Variants in MGST1 observed in about 807,000 individuals in gnomAD.
MGST1 encodes the protein microsomal glutathione S-transferase 1.
Under a neutral mutation model 8.9 loss-of-function variants are expected in MGST1, and 5 were observed. The observed-to-expected ratio is 0.56, with a 90% CI of 0.29 to 1.19. The LOEUF is 1.19. MGST1 is among the 50% of genes most tolerant of loss of function. The pLI is 0.08. For synonymous variants in MGST1, 54 were observed against 67.8 expected, an observed-to-expected ratio of 0.80 and a Z score of 1.00; for missense variants, 182 against 187.4, an observed-to-expected ratio of 0.97 and a Z score of 0.17.
intron 4 of MGST1, among the ~76,000 whole-genome samples, chr12:16,552,213 T>A (rs1285652127): frequency 6.6e-6 from 1 of 152,050 alleles, no homozygotes; most frequent in African/African-American, 2.4e-5. Context: ...AACAATAAAG[T>A]AACTCTGGGG....
chr12:16,527,404 A>C (rs1941694358), intron 4 of MGST1, among the ~76,000 whole-genome samples: 1 of 152,052 alleles, frequency 6.6e-6, no homozygotes, highest in South Asian at 2.1e-4. Context: ...TATTTTCAAA[A>C]AATCTTTGCA....
chr12:16,368,305 A>G (rs1470260564), downstream of MGST1, among the ~76,000 whole-genome samples: 1 of 152,210 alleles, frequency 6.6e-6, no homozygotes, highest in Non-Finnish European at 1.5e-5. Flanking sequence ...GCTCTACTTT[A>G]TAAATAAAGA....
chr12:16,374,685 G>T (rs892638284), intron 3 of MGST1, among the ~76,000 whole-genome samples: 1 of 152,088 alleles, frequency 6.6e-6, no homozygotes, highest in Non-Finnish European at 1.5e-5. Flanking sequence ...GCAAGCGAAT[G>T]CAAATAATTC....
At chr12:16,591,275 G>C (rs921081345), downstream of MGST1, among the ~76,000 whole-genome samples, 3 of 151,888 alleles carry the variant, frequency 2.0e-5, no homozygotes, top group Non-Finnish European at 2.9e-5. The surrounding 1 kb of genome is among the most constrained non-coding windows in gnomAD (Gnocchi z 4.1). Flanking sequence ...TGTACTGGAT[G>C]TTCCTGAGCC....
rs1319486313 is a variant in MGST1 at position 16,582,401 on chromosome 12, T to C, written n.483-7127T>C. On this transcript the variant is annotated intron_variant and non_coding_transcript_variant, in intron 4 of 4. Transcript: ENST00000538857. This position sits in a 1 kb window ranked among gnomAD's most constrained non-coding sequence, Gnocchi z 4.1. ...AATATCTTTCAAGTTTTTGTATCTG[T>C]ATGCAAAAATAGCATTAGTGTTTTA... 3.9e-5 allele frequency among the ~76,000 whole-genome samples: 6 copies of C among 152,250 alleles called. No individual in the cohort carries two copies. The highest frequency in any genetic ancestry group is 3.9e-4 in the Admixed American group (6 of 15,286).
At position 16,412,375 on chromosome 12, in the gene MGST1, A is replaced by G. The variant is rs577920505; in HGVS notation, n.779-25013A>G. 6.6e-5 allele frequency among the ~76,000 whole-genome samples: 10 copies of G among 152,332 alleles called. No individual in the cohort carries two copies. The South Asian group carries it at 2.1e-3, about 32-fold the overall frequency. The stretch of plus-strand genomic sequence containing the variant: ...TTGTAGTGAGATATTATTTTGAGCT[A>G]TTAATTTTTTTCCTAATATCTGCCC... On this transcript the variant is annotated intron_variant and non_coding_transcript_variant, in intron 1 of 1. Transcript: ENST00000359720.
intron 1 of MGST1, among the ~76,000 whole-genome samples, chr12:16,397,516 C>A (rs1180466354): frequency 2.0e-5 from 3 of 151,938 alleles, no homozygotes; most frequent in African/African-American, 7.3e-5. Flanking sequence ...AAAACCTTTA[C>A]AATCTATCCA....
At chr12:16,519,414 T>C (rs1469209400) in intron 4 of MGST1, among the ~76,000 whole-genome samples, 1 of 152,200 alleles carries the variant, frequency 6.6e-6, no homozygotes, top group African/African-American at 2.4e-5. Flanking sequence ...AGGAGAAAAG[T>C]ATGAAACTCA....
intron 1 of MGST1, among the ~76,000 whole-genome samples, chr12:16,394,384 TTTTC>T (rs1940581189): frequency 1.3e-5 from 2 of 151,576 alleles, no homozygotes; most frequent in African/African-American, 2.4e-5. Flanking sequence ...TTCTCTTTCT[TTTTC>T]TTTCTCTCTC....
intron 1 of MGST1, among the ~76,000 whole-genome samples, chr12:16,392,750 A>AGATATATACAAAGATATATCTATCTG (rs1940563641): frequency 6.6e-6 from 1 of 152,166 alleles, no homozygotes; most frequent in Non-Finnish European, 1.5e-5. Flanking sequence ...ATATCTATCT[A>AGATATATACAAAGATATATCTATCTG]GATATATACA....
At chr12:16,440,279 TAA>T, downstream of MGST1, among the ~76,000 whole-genome samples, 1 of 150,334 alleles carries the variant, frequency 6.7e-6, no homozygotes, top group East Asian at 2.0e-4. Flanking sequence ...ACATACACAG[TAA>T]AGCGTATAAA....
intron 4 of MGST1, among the ~76,000 whole-genome samples, chr12:16,515,727 G>A (rs1941609449): frequency 6.6e-6 from 1 of 152,048 alleles, no homozygotes; most frequent in South Asian, 2.1e-4. Flanking sequence ...TGGAGAGTAG[G>A]TAACCACACT....
chr12:16,481,719 G>A (rs1591741493), intron 4 of MGST1, among the ~76,000 whole-genome samples: 1 of 151,738 alleles, frequency 6.6e-6, no homozygotes, highest in Non-Finnish European at 1.5e-5. Flanking sequence ...AAAAGGGATT[G>A]AAAATATAAA....
At chr12:16,501,315 T>C (rs1941505200) in intron 4 of MGST1, among the ~76,000 whole-genome samples, 1 of 152,142 alleles carries the variant, frequency 6.6e-6, no homozygotes, top group Non-Finnish European at 1.5e-5. Flanking sequence ...GAAAATGGGC[T>C]CCTTCAAAAA....
At chr12:16,568,065 G>T (rs143681874) in intron 4 of MGST1, among the ~76,000 whole-genome samples, 1 of 152,198 alleles carries the variant, frequency 6.6e-6, no homozygotes, top group East Asian at 1.9e-4. Flanking sequence ...TACTACACTG[G>T]CAACAATAGA....
At chr12:16,379,226 A>T (rs1166082995), downstream of MGST1, among the ~76,000 whole-genome samples, 1 of 152,156 alleles carries the variant, frequency 6.6e-6, no homozygotes, top group Non-Finnish European at 1.5e-5. Context: ...GTCTTGTGCC[A>T]GTTTTCAAAG....
chr12:16,448,262 A>G (rs1941098239), intron 4 of MGST1, among the ~76,000 whole-genome samples: 1 of 151,918 alleles, frequency 6.6e-6, no homozygotes, highest in African/African-American at 2.4e-5. Flanking sequence ...TAATTTATAT[A>G]ATTAACAAAG....
chr12:16,557,505 C>T (rs1942236630), intron 4 of MGST1, among the ~76,000 whole-genome samples: 1 of 151,764 alleles, frequency 6.6e-6, no homozygotes, highest in African/African-American at 2.4e-5. Context: ...CAGCATATGC[C>T]TTCAAACTGT....
intron 1 of MGST1, chr12:16,400,642 A>G (rs930892219): frequency 2.8e-5 from 41 of 1,483,996 alleles, no homozygotes; most frequent in Non-Finnish European, 3.5e-5. Context: ...TTTCTTTGAC[A>G]AAAGTCGCTT....
Sources: allele counts gnomAD v4.1 joint callset (sites outside exome capture counted in the v4.1 genomes callset), GRCh38; gene constraint gnomAD v4.1.1; non-coding constraint Gnocchi (gnomAD v3.1); transcripts MANE v1.5; gene names NCBI Gene and HGNC (gene_info 2026-07-23, HGNC 2026-07-21).